Variants in DOCK3 observed in about 807,000 individuals in gnomAD.
DOCK3 encodes dedicator of cytokinesis 3, also known as dedicator of cytokinesis protein 3.
DOCK3 carries 60 observed loss-of-function variants against 265.6 expected under a neutral mutation model. The observed-to-expected ratio is 0.23, with a 90% CI of 0.18 to 0.28. DOCK3 has a LOEUF of 0.28. DOCK3 is among the 10% of genes least tolerant of loss of function. DOCK3 has a pLI of 1.00. For synonymous variants in DOCK3, 881 were observed against 938.0 expected (o/e 0.94, Z 1.11); for missense variants, 1,981 against 2,594.3 (o/e 0.76, Z 5.14).
chr3:50,909,494 A>C (rs1235311105), intron 4 of DOCK3, among the ~76,000 whole-genome samples: 1 of 152,016 alleles, frequency 6.6e-6, no homozygotes, highest in Non-Finnish European at 1.5e-5. Flanking sequence ...CCAGATGTGA[A>C]ATTCTGGGTT....
rs1346469955 is a variant in DOCK3 at position 50,674,975 on chromosome 3, C to A, written c.-289C>A. 8 of 149,282 alleles carry A rather than the reference C, an allele frequency of 5.4e-5. No individual in the cohort carries two copies. The highest frequency in any genetic ancestry group is 8.9e-5 in the Non-Finnish European group (6 of 67,306). The allele number at this position is 149,282 out of a possible 1,614,324, so 9.2% of individuals were successfully genotyped here. A position where few individuals can be genotyped will look rare whatever the true frequency, so the allele number is the denominator to read the frequency against. The stretch of plus-strand genomic sequence containing the variant: ...CGCGGCGGCGCCGGGAGCCGGGCGG[C>A]GGAGCTGTGAAGAAGCAAGCGGCGG... On this transcript the variant is annotated 5_prime_UTR_variant, in exon 1 of 53. Transcript: ENST00000266037. This position sits in a 1 kb window ranked among gnomAD's most constrained non-coding sequence, Gnocchi z 4.3.
chr3:50,974,267 T>C (rs2077356580), intron 5 of DOCK3, among the ~76,000 whole-genome samples: 1 of 151,604 alleles, frequency 6.6e-6, no homozygotes, highest in African/African-American at 2.4e-5. Flanking sequence ...GTTTTTATGG[T>C]TTTAGGTCTA....
intron 27 of DOCK3, among the ~76,000 whole-genome samples, chr3:51,294,388 T>TG (rs753254890): frequency 2.4e-4 from 36 of 152,078 alleles, no homozygotes; most frequent in Non-Finnish European, 4.9e-4. Flanking sequence ...TAAAAAAAAT[T>TG]GAACTCGAGG....
intron 4 of DOCK3, among the ~76,000 whole-genome samples, chr3:50,925,822 G>GTTTTTTTTTTTTTTTT (rs1434953359): frequency 8.1e-6 from 1 of 123,292 alleles, no homozygotes; most frequent in African/African-American, 3.7e-5. Flanking sequence ...GGTAAAACTA[G>GTTTTTTTTTTTTTTTT]TCTTTTTTTT....
intron 12 of DOCK3, among the ~76,000 whole-genome samples, chr3:51,190,295 G>A (rs867803019): frequency 1.3e-5 from 2 of 152,160 alleles, no homozygotes; most frequent in Non-Finnish European, 2.9e-5. Context: ...GGCTGGTGCT[G>A]GTGAACCTAT....
chr3:51,066,133 A>G (rs2081583015), intron 6 of DOCK3, among the ~76,000 whole-genome samples: 2 of 152,284 alleles, frequency 1.3e-5, no homozygotes, highest in African/African-American at 4.8e-5. Flanking sequence ...ATATATAGGC[A>G]ATACATGAGG....
intron 24 of DOCK3, 47 bp downstream of exon 24, chr3:51,271,054 T>C: frequency 6.4e-7 from 1 of 1,564,058 alleles, no homozygotes; most frequent in Non-Finnish European, 8.7e-7. Flanking sequence ...AGGGGTGTCC[T>C]CCTTCCTTCC....
intron 27 of DOCK3, among the ~76,000 whole-genome samples, chr3:51,297,039 A>G (rs2082119408): frequency 6.9e-6 from 1 of 144,154 alleles, no homozygotes. Flanking sequence ...AATCGCTTGA[A>G]TCCAGGAGGC....
Position 51,304,060 on chromosome 3 carries a change from G to A in DOCK3, c.2923-6172G>A, listed in dbSNP as rs757769050. On this transcript the variant is annotated intron_variant, in intron 27 of 52. Transcript: ENST00000266037. ...GCGGACACCATAGCCGCAGGTCTCC[G>A]CAGCCCCTCAGTCCCAGGGAGATCA... 7.2e-4 allele frequency among the ~76,000 whole-genome samples: 109 copies of A among 152,024 alleles called. 1 individual carries two copies. The highest frequency in any genetic ancestry group is 3.4e-3 in the Middle Eastern group (1 of 294).
In DOCK3 at chr3:51,354,998, C is replaced by T. The variant is rs371805365; in HGVS notation, c.4224C>T (p.Asp1408=). ...TGCAGCACCCCAACCATCCTGATGA[C>T]GCCATCCTACAGTGCGATGCCCAGT... ...VAMQHPNHPD[D]AILQCDAQYL... Residue 1408 remains aspartate, a synonymous_variant, in exon 41 of 53, where the codon GAC becomes GAT. Transcript: ENST00000266037. The T allele has an allele frequency of 1.9e-5, 30 of 1,613,712 alleles. No homozygotes were observed. The highest frequency in any genetic ancestry group is 3.3e-4 in the Middle Eastern group (2 of 6,084).
chr3:51,299,414 A>G (rs1275986284), intron 27 of DOCK3, among the ~76,000 whole-genome samples: 1 of 152,072 alleles, frequency 6.6e-6, no homozygotes, highest in East Asian at 1.9e-4. Flanking sequence ...GAAGCTCTTT[A>G]GTTTAATTAG....
chr3:50,720,570 T>A (rs1389256216), intron 1 of DOCK3, among the ~76,000 whole-genome samples: 1 of 152,238 alleles, frequency 6.6e-6, no homozygotes, highest in East Asian at 1.9e-4. Flanking sequence ...TTCTATGTTT[T>A]TGCTATTGTG....
chr3:51,293,051 T>A (rs1464966280), intron 27 of DOCK3, among the ~76,000 whole-genome samples: 1 of 152,164 alleles, frequency 6.6e-6, no homozygotes, highest in African/African-American at 2.4e-5. Context: ...TTATAATCCC[T>A]AAAGCAATCT....
rs77967913 is a variant in DOCK3 at position 51,081,992 on chromosome 3, G to A, written c.549+6552G>A. ...CTGGCACTTGCCTTCTACTCAGTGA[G>A]TAATTAACTACATATTGAATAGAGC... On this transcript the variant is annotated intron_variant, in intron 7 of 52. Transcript: ENST00000266037. Among the ~76,000 whole-genome samples the A allele has an allele frequency of 3.2e-3, 485 of 151,970 alleles. 16 individuals are homozygous for A. The East Asian group carries it at 0.074, about 23-fold the overall frequency.
chr3:50,891,092 A>G (rs1305366847), intron 4 of DOCK3, among the ~76,000 whole-genome samples: 1 of 152,048 alleles, frequency 6.6e-6, no homozygotes, highest in East Asian at 1.9e-4. Flanking sequence ...GGGGAATGCC[A>G]AAAGCAACTG....
intron 2 of DOCK3, chr3:50,787,826 C>T: frequency 9.0e-7 from 1 of 1,116,866 alleles, no homozygotes; most frequent in Non-Finnish European, 1.3e-6. Flanking sequence ...CTCTCTTCCT[C>T]CTCATTGTTT....
chr3:51,138,180 C>A (rs755321612), intron 9 of DOCK3, among the ~76,000 whole-genome samples: 3 of 152,150 alleles, frequency 2.0e-5, no homozygotes, highest in Non-Finnish European at 4.4e-5. Flanking sequence ...TATTTCCCAA[C>A]AATATTTTGC....
chr3:51,133,486 C>T (rs565155068), intron 9 of DOCK3, among the ~76,000 whole-genome samples: 1 of 152,208 alleles, frequency 6.6e-6, no homozygotes, highest in African/African-American at 2.4e-5. Context: ...CTACAAAGGA[C>T]ATGAACTCAT....
At chr3:51,224,964 C>T (rs1337997485) in intron 14 of DOCK3, among the ~76,000 whole-genome samples, 1 of 152,148 alleles carries the variant, frequency 6.6e-6, no homozygotes, top group Non-Finnish European at 1.5e-5. Flanking sequence ...GCAAATTGGG[C>T]TGGTCAGAGC....
Sources: gnomAD v4.1 joint callset for allele counts (sites outside exome capture counted in the v4.1 genomes callset) on GRCh38, gnomAD v4.1.1 for gene constraint, Gnocchi (gnomAD v3.1) non-coding constraint, MANE v1.5 for transcripts, NCBI Gene and HGNC (gene_info 2026-07-23, HGNC 2026-07-21) for gene names.